STON2: variants seen among roughly 807,000 people sequenced by gnomAD.
The protein encoded by STON2 is stonin-2.
A neutral mutation model predicts 65.7 loss-of-function variants in STON2; 29 were observed. The ratio of observed to expected loss-of-function variants is 0.44; its 90% confidence interval spans 0.33 to 0.60. STON2 has a LOEUF of 0.60. STON2 is among the 20% of genes least tolerant of loss of function. The pLI is 0.03. For synonymous variants in STON2, 404 were observed against 414.2 expected, an observed-to-expected ratio of 0.98 and a Z score of 0.30; for missense variants, 1,054 against 1,118.1, an observed-to-expected ratio of 0.94 and a Z score of 0.82.
At chr14:81,319,530 T>C (rs1896747065) in intron 5 of STON2, among the ~76,000 whole-genome samples, 1 of 152,230 alleles carries the variant, frequency 6.6e-6, no homozygotes, top group African/African-American at 2.4e-5. Context: ...TAAAGTTTAC[T>C]TTTGCAGCTA....
intron 4 of STON2, among the ~76,000 whole-genome samples, chr14:81,359,105 C>G (rs561764761): frequency 6.6e-6 from 1 of 152,202 alleles, no homozygotes; most frequent in South Asian, 2.1e-4. Context: ...TCAAGTGCAT[C>G]CAGAACATTA....
chr14:81,311,073 T>C (rs563588000), intron 5 of STON2, among the ~76,000 whole-genome samples: 5 of 152,256 alleles, frequency 3.3e-5, no homozygotes, highest in South Asian at 2.1e-4. Context: ...GGCAAGTATA[T>C]GGACTTGGAG....
chr14:81,267,726 TAAA>T lies in STON2; in HGVS notation c.*685_*687del, dbSNP rs1285193098. On this transcript the variant is annotated 3_prime_UTR_variant, in exon 8 of 8. Coordinates refer to ENST00000614646, the MANE Select transcript of STON2 (RefSeq NM_001394390.1). ...CAGAATGTGGGTCCATTCACAAAAT[TAAA>T]AAGTCTCCTATTGTGCCTTTTTCCA... 1 of 985,280 alleles carries T rather than the reference TAAA, an allele frequency of 1.0e-6. No individual in the cohort carries two copies. The highest frequency in any genetic ancestry group is 1.2e-6 in the Non-Finnish European group (1 of 829,928). 61.0% of individuals were successfully genotyped at this position (985,280 alleles called of 1,614,324 possible). A position where few individuals can be genotyped will look rare whatever the true frequency, so the allele number is the denominator to read the frequency against.
intron 4 of STON2, among the ~76,000 whole-genome samples, chr14:81,334,329 T>C (rs1897300758): frequency 6.6e-6 from 1 of 152,216 alleles, no homozygotes; most frequent in African/African-American, 2.4e-5. Flanking sequence ...CTTTACTTCA[T>C]TTACTTAAGT....
At chr14:81,334,235 C>G (rs185003549) in intron 4 of STON2, among the ~76,000 whole-genome samples, 157 of 152,340 alleles carry the variant, frequency 1.0e-3, no homozygotes, top group African/African-American at 3.6e-3. Context: ...GCCAGAAGTG[C>G]TGAGTGCAAG....
intron 5 of STON2, among the ~76,000 whole-genome samples, chr14:81,306,947 G>A (rs1316592356): frequency 6.6e-6 from 1 of 152,194 alleles, no homozygotes; most frequent in Non-Finnish European, 1.5e-5. Context: ...ATTTAAATGG[G>A]GAGCAAACAA....
intron 4 of STON2, among the ~76,000 whole-genome samples, chr14:81,327,506 G>A (rs1426485923): frequency 6.6e-6 from 1 of 152,094 alleles, no homozygotes; most frequent in Non-Finnish European, 1.5e-5. Context: ...TTAAAAGGCA[G>A]TCTTACGTAC....
intron 4 of STON2, among the ~76,000 whole-genome samples, chr14:81,328,003 G>A (rs77252508): frequency 0.033 from 5,096 of 152,220 alleles, 107 homozygotes; most frequent in South Asian, 0.085. Context: ...CTATAACATG[G>A]AGATAATAAA....
intron 4 of STON2, among the ~76,000 whole-genome samples, chr14:81,356,028 G>A (rs1438177927): frequency 6.6e-6 from 1 of 152,146 alleles, no homozygotes; most frequent in Non-Finnish European, 1.5e-5. Flanking sequence ...GCCCTGGCCA[G>A]AACTTCCAAC....
At chr14:81,278,813 G>A in intron 5 of STON2, 74 bp from the exon 6 acceptor site, 1 of 1,176,194 alleles carries the variant, frequency 8.5e-7, no homozygotes, top group South Asian at 1.8e-5. Flanking sequence ...GTATAGGAAT[G>A]AGGGATTACT....
chr14:81,327,219 A>C (rs1897033405), intron 4 of STON2, among the ~76,000 whole-genome samples: 1 of 152,226 alleles, frequency 6.6e-6, no homozygotes, highest in Non-Finnish European at 1.5e-5. Flanking sequence ...ACAGTGTTAA[A>C]TTCCTCTAAA....
At chr14:81,397,344 G>C (rs1235818671) in intron 2 of STON2, among the ~76,000 whole-genome samples, 1 of 151,930 alleles carries the variant, frequency 6.6e-6, no homozygotes, top group African/African-American at 2.4e-5. Context: ...AACACAACAG[G>C]AGAAAGTATT....
Position 81,398,401 on chromosome 14 carries a change from A to G in STON2, c.-19T>C. On this transcript the variant is annotated 5_prime_UTR_variant, in exon 2 of 8. An upstream start codon of the reference 5' UTR is lost. Transcript: ENST00000614646. ...TCGTCATGCTAAAAAGGCACTGGTC[A>G]TCTTCACACTGCTGACCTCAGGTGA... is the stretch of plus-strand genomic sequence containing the variant. 2 of 1,604,162 alleles carry G rather than the reference A, an allele frequency of 1.2e-6. No homozygotes were observed. Among genetic ancestry groups the G allele is most frequent in the South Asian group, 1.1e-5 (1 of 90,780 alleles).
rs149755378 is a variant in STON2, at chr14:81,309,551, C to T, written c.742+14466G>A. ...ATAAATCCCTAGGTCTAGTGCTCTG[C>T]AAATCTGATCCTTCCTTGGAATTGC... is the stretch of plus-strand genomic sequence containing the variant. On this transcript the variant is annotated intron_variant, in intron 5 of 7. Transcript: ENST00000614646. Among the ~76,000 whole-genome samples the T allele has an allele frequency of 2.0e-3, 306 of 152,276 alleles. 8 individuals are homozygous for T. In the East Asian group the frequency reaches 0.05, roughly 25 times the overall value.
At chr14:81,436,254 G>A (rs188591949) in intron 1 of STON2, 10,702 of 150,950 alleles carry the variant, frequency 0.071, 477 homozygotes, top group African/African-American at 0.12. Context: ...CCCCCCGCCC[G>A]CTCCACCTGC....
chr14:81,384,058 C>T (rs1899666362), intron 3 of STON2, among the ~76,000 whole-genome samples: 1 of 152,034 alleles, frequency 6.6e-6, no homozygotes, highest in African/African-American at 2.4e-5. Context: ...AGACTCCTCC[C>T]TACTTTCTGC....
At chr14:81,305,988 G>A (rs1207084764) in intron 5 of STON2, among the ~76,000 whole-genome samples, 3 of 151,934 alleles carry the variant, frequency 2.0e-5, no homozygotes, top group Admixed American at 1.3e-4. Flanking sequence ...CCTTGCCAGC[G>A]ACCCAAGAGC....
Position 81,363,514 on chromosome 14 carries a change from G to A in STON2, c.571+7474C>T, listed in dbSNP as rs563751461. Among the ~76,000 whole-genome samples, 19 of 151,752 alleles carry A rather than the reference G, an allele frequency of 1.3e-4. No individual in the cohort carries two copies. The South Asian group carries it at 4.0e-3, about 32-fold the overall frequency. On this transcript the variant is annotated intron_variant, in intron 4 of 7. Transcript: ENST00000614646. ...ACAAAGCAATCATTAGAGTTTTTTG[G>A]TTTTAATAAGGATTAAAATCTAAAA...
At chr14:81,358,489 T>C (rs541829296) in intron 4 of STON2, among the ~76,000 whole-genome samples, 1 of 152,006 alleles carries the variant, frequency 6.6e-6, no homozygotes, top group South Asian at 2.1e-4. Context: ...GGAAGGAAAA[T>C]GTATCTACAA....
Sources: allele counts gnomAD v4.1 joint callset (sites outside exome capture counted in the v4.1 genomes callset), GRCh38; gene constraint gnomAD v4.1.1; transcripts MANE v1.5; gene names NCBI Gene and HGNC (gene_info 2026-07-23, HGNC 2026-07-21).